Variants in SHISA8 observed in about 807,000 individuals in gnomAD.
The protein encoded by SHISA8 is protein shisa-8.
Under a neutral mutation model 21.1 loss-of-function variants are expected in SHISA8, and 21 were observed. That is an observed-to-expected ratio of 0.99 (90% CI 0.71 to 1.43). SHISA8 has a LOEUF of 1.43. Among genes scored for constraint, SHISA8 ranks in the 40% most tolerant of loss-of-function variants. The pLI, the probability that SHISA8 is intolerant of heterozygous loss-of-function variation, is 0.00. For synonymous variants in SHISA8, 300 were observed against 291.4 expected (o/e 1.03, Z -0.30); for missense variants, 535 against 599.1 (o/e 0.89, Z 1.12).
Position 41,910,045 on chromosome 22 carries a change from G to A in SHISA8, c.914C>T (p.Pro305Leu). ...CGGGGCCCAGGGGCAGGCGTCCAGC[G>A]GCGCAGGCAAGTCCGGGGATGGTCG... ...APRPSPDLPA[P>L]LDACPWAPPV... The change falls in exon 4 of 4, where the codon CCG becomes CTG. Residue 305 changes from proline to leucine, a missense_variant. Pro to Leu is a moderately conservative substitution (Grantham distance 98). Coordinates refer to ENST00000621082, the MANE Select transcript of SHISA8 (RefSeq NM_001207020.3). The surrounding 1 kb of genome is among the most constrained non-coding windows in gnomAD (Gnocchi z 6.8). 2.4e-6 allele frequency: 3 copies of A among 1,255,348 alleles called. No homozygotes were observed. Among genetic ancestry groups the A allele is most frequent in the Non-Finnish European group, 3.0e-6 (3 of 1,005,278 alleles). 77.8% of individuals were successfully genotyped at this position (1,255,348 alleles called of 1,614,324 possible).
chr22:41,914,318 G>C lies in SHISA8; in HGVS notation c.350C>G (p.Thr117Arg). 8.0e-7 allele frequency: 1 copy of C among 1,252,672 alleles called. No individual in the cohort carries two copies. Among genetic ancestry groups the C allele is most frequent in the Non-Finnish European group, 1.0e-6 (1 of 1,001,234 alleles). The allele number at this position is 1,252,672 out of a possible 1,614,324, so 77.6% of individuals were successfully genotyped here. The change falls in exon 1 of 4, where the codon ACA becomes AGA. Residue 117 changes from threonine (T) to arginine (R), a missense_variant. Physicochemically the swap from Thr to Arg is moderately conservative, Grantham distance 71. Coordinates refer to ENST00000621082, the MANE Select transcript of SHISA8 (RefSeq NM_001207020.3). The surrounding 1 kb of genome is among the most constrained non-coding windows in gnomAD (Gnocchi z 6.8). ...SNYDTPAWVQ[T>R]GRPPARARDT... ...GCGGGCGCGGGCGGGCGGCCGGCCT[G>C]TCTGGACCCAGGCCGGCGTGTCGTA... is the stretch of plus-strand genomic sequence containing the variant.
Position 41,910,125 on chromosome 22 carries a change from A to T in SHISA8, c.834T>A (p.Cys278Ter). 8.1e-7 allele frequency: 1 copy of T among 1,237,888 alleles called. No homozygotes were observed. Among genetic ancestry groups the T allele is most frequent in the Non-Finnish European group, 1.0e-6 (1 of 993,950 alleles). 76.7% of individuals were successfully genotyped at this position (1,237,888 alleles called of 1,614,324 possible). ...ACGGCTCGAGGGCGGGGAAACGCTGACAGAAGTCCCGCGGGGCGGCCTCTG... is the reference window on the plus strand; with the variant it reads ...ACGGCTCGAGGGCGGGGAAACGCTGTCAGAAGTCCCGCGGGGCGGCCTCTG... ...KAAEAAPRDF[C>*]QRFPALEPSP... Residue 278 changes from cysteine (C) to a stop codon, truncating the protein, a stop_gained, in exon 4 of 4, where the codon TGT becomes TGA. Transcript: ENST00000621082. LOFTEE classifies it low-confidence loss of function (END_TRUNC). This position sits in a 1 kb window ranked among gnomAD's most constrained non-coding sequence, Gnocchi z 6.8.
At position 41,914,017 on chromosome 22, in the gene SHISA8, A is replaced by G; in HGVS notation, c.530+121T>C. The G allele has an allele frequency of 1.8e-6, 2 of 1,113,256 alleles. No homozygotes were observed. Among genetic ancestry groups the G allele is most frequent in the Non-Finnish European group, 2.3e-6 (2 of 860,816 alleles). The allele number at this position is 1,113,256 out of a possible 1,614,324, so 69.0% of individuals were successfully genotyped here. ...GGGGGCGGCGGGGGGAGAAGGAGAC[A>G]GGAAAACCCAGAGAAGGGGCCTGCT... On this transcript the variant is annotated intron_variant, in intron 1 of 3. Transcript: ENST00000621082. The surrounding 1 kb of genome is among the most constrained non-coding windows in gnomAD (Gnocchi z 6.8).
chr22:41,910,286 G>A lies in SHISA8; in HGVS notation c.811+122C>T, dbSNP rs2077540253. 4 of 1,230,466 alleles carry A rather than the reference G, an allele frequency of 3.3e-6. No homozygotes were observed. Among genetic ancestry groups the A allele is most frequent in the Admixed American group, 8.6e-5 (2 of 23,264 alleles). The allele number at this position is 1,230,466 out of a possible 1,614,324, so 76.2% of individuals were successfully genotyped here. The stretch of plus-strand genomic sequence containing the variant: ...CGGGGCCCGCTGGGGCGAGGGAGCC[G>A]ATTGGCCGAGCGGCGGGCGCGCGGA... On this transcript the variant is annotated intron_variant, in intron 3 of 3. Coordinates refer to ENST00000621082, the MANE Select transcript of SHISA8 (RefSeq NM_001207020.3). The surrounding 1 kb of genome is among the most constrained non-coding windows in gnomAD (Gnocchi z 6.8).
At chr22:41,913,280 C>G (rs192908052) in intron 1 of SHISA8, among the ~76,000 whole-genome samples, 3 of 152,378 alleles carry the variant, frequency 2.0e-5, no homozygotes, top group Non-Finnish European at 2.9e-5. Context: ...TTTTAAATAC[C>G]AGCCTGTCAC....
chr22:41,909,913 A>T lies in SHISA8; in HGVS notation c.1046T>A (p.Val349Glu). Residue 349 changes from valine to glutamate, a missense_variant, in exon 4 of 4, where the codon GTA becomes GAA. Physicochemically the swap from Val to Glu is moderately radical, Grantham distance 121. Coordinates refer to ENST00000621082, the MANE Select transcript of SHISA8 (RefSeq NM_001207020.3). ...GGCCGCGTGCCCGGGTCGCCGGGGT[A>T]CCTGGAAGGCCCGAGCCGTCGGGTG... Reference protein sequence around the residue: ...LSHPTARAFQVPRRPGHAARR... With the variant: ...LSHPTARAFQEPRRPGHAARR... 1.3e-6 allele frequency: 2 copies of T among 1,526,588 alleles called. No homozygotes were observed. The highest frequency in any genetic ancestry group is 4.0e-5 in the Admixed American group (2 of 50,092). 94.6% of individuals were successfully genotyped at this position (1,526,588 alleles called of 1,614,324 possible).
chr22:41,909,834 G>C lies in SHISA8; in HGVS notation c.1125C>G (p.Gly375=). ...MPETFNPQLP[G]LYGSAGRGSR... is the part of the protein sequence containing the mutation. ...ACCCGCGGCCCGCGCTGCCGTAAAG[G>C]CCGGGGAGCTGCGGGTTGAAGGTCT... Residue 375 remains glycine (G), a synonymous_variant, in exon 4 of 4, where the codon GGC becomes GGG. Transcript: ENST00000621082. 6.5e-7 allele frequency: 1 copy of C among 1,527,402 alleles called. No individual in the cohort carries two copies. Among genetic ancestry groups the C allele is most frequent in the Non-Finnish European group, 8.7e-7 (1 of 1,143,170 alleles). 94.6% of individuals were successfully genotyped at this position (1,527,402 alleles called of 1,614,324 possible).
chr22:41,911,183 G>A (rs1385623111), intron 2 of SHISA8, 33 bp downstream of exon 2: 3 of 1,257,878 alleles, frequency 2.4e-6, no homozygotes, highest in Non-Finnish European at 3.0e-6. Context: ...CGCGTGCTCC[G>A]CCGCCGCTCA....
At position 41,914,094 on chromosome 22, in the gene SHISA8, C is replaced by T. The variant is rs1361897330; in HGVS notation, c.530+44G>A. On this transcript the variant is annotated intron_variant, in intron 1 of 3. Transcript: ENST00000621082. This position sits in a 1 kb window ranked among gnomAD's most constrained non-coding sequence, Gnocchi z 6.8. Reference sequence around the variant, plus strand: ...GGGAAGGATCAGCGGGCAGGGAGAGCAGTCCGAGGAGCAGGCGGGGGTCCC... The same window carrying T: ...GGGAAGGATCAGCGGGCAGGGAGAGTAGTCCGAGGAGCAGGCGGGGGTCCC... 2.2e-6 allele frequency: 3 copies of T among 1,344,846 alleles called. No individual in the cohort carries two copies. Among genetic ancestry groups the T allele is most frequent in the Non-Finnish European group, 2.9e-6 (3 of 1,052,036 alleles). 83.3% of individuals were successfully genotyped at this position (1,344,846 alleles called of 1,614,324 possible).
In SHISA8 at chr22:41,914,060, G is replaced by C; in HGVS notation, c.530+78C>G. ...GGCCTGCTGGGAGAACCAGCGCTTC[G>C]AGAGCGGCGGGAAGGATCAGCGGGC... is the stretch of plus-strand genomic sequence containing the variant. On this transcript the variant is annotated intron_variant, in intron 1 of 3. Coordinates refer to ENST00000621082, the MANE Select transcript of SHISA8 (RefSeq NM_001207020.3). The surrounding 1 kb of genome is among the most constrained non-coding windows in gnomAD (Gnocchi z 6.8). 12 of 1,283,062 alleles carry C rather than the reference G, an allele frequency of 9.4e-6. No individual in the cohort carries two copies. The highest frequency in any genetic ancestry group is 1.1e-5 in the Non-Finnish European group (11 of 1,012,104). The allele number at this position is 1,283,062 out of a possible 1,614,324, so 79.5% of individuals were successfully genotyped here.
At chr22:41,912,563 G>C (rs2077559490) in intron 1 of SHISA8, among the ~76,000 whole-genome samples, 1 of 152,128 alleles carries the variant, frequency 6.6e-6, no homozygotes, top group South Asian at 2.1e-4. Flanking sequence ...CTGGGCCTTT[G>C]CACAAACTCT....
rs2077570244 is a variant in SHISA8 at position 41,914,238 on chromosome 22, CG to C, written c.429del (p.Tyr143Ter). ...AGCAGCGCTGCGACGCCGCACACAG[CG>C]TAGACGGCCGTATGGCTGCGCTCGC... ...PGRERSHTAVYAVCGVAALLV... is the reference protein window; with the variant it reads ...PGRERSHTAVXAVCGVAALLV... On this transcript the variant is annotated frameshift_variant, in exon 1 of 4. Coordinates refer to ENST00000621082, the MANE Select transcript of SHISA8 (RefSeq NM_001207020.3). LOFTEE classifies it high-confidence loss of function. The surrounding 1 kb of genome is among the most constrained non-coding windows in gnomAD (Gnocchi z 6.8). 3 of 1,392,394 alleles carry C rather than the reference CG, an allele frequency of 2.2e-6. No individual in the cohort carries two copies. Among genetic ancestry groups the C allele is most frequent in the Non-Finnish European group, 2.8e-6 (3 of 1,081,234 alleles). 86.3% of individuals were successfully genotyped at this position (1,392,394 alleles called of 1,614,324 possible).
rs151323149 is a variant in SHISA8, at chr22:41,913,572, G to T, written c.530+566C>A. Among the ~76,000 whole-genome samples the T allele has an allele frequency of 4.4e-3, 666 of 152,320 alleles. 3 individuals are homozygous for T. Among genetic ancestry groups the T allele is most frequent in the African/African-American group, 0.015 (634 of 41,566 alleles). On this transcript the variant is annotated intron_variant, in intron 1 of 3. Coordinates refer to ENST00000621082, the MANE Select transcript of SHISA8 (RefSeq NM_001207020.3). ...CTGTGTTCCAGAGTCCCCTTTCTAC[G>T]CAGAGGGAGCCCTGACCTTCACCTG...
intron 1 of SHISA8, among the ~76,000 whole-genome samples, chr22:41,912,644 G>A (rs1451174989): frequency 6.6e-6 from 1 of 152,122 alleles, no homozygotes; most frequent in East Asian, 1.9e-4. Context: ...CAGAATGAAG[G>A]GTGAGACTCG....
At chr22:41,913,999 G>T in intron 1 of SHISA8, 139 bp downstream of exon 1, 2 of 907,192 alleles carry the variant, frequency 2.2e-6, no homozygotes, top group Non-Finnish European at 3.0e-6. Context: ...TGGGGGGGCG[G>T]CGGGGGGAGA....
chr22:41,914,105 GC>G lies in SHISA8; in HGVS notation c.530+32del. 1 of 1,377,592 alleles carries G rather than the reference GC, an allele frequency of 7.3e-7. No individual in the cohort carries two copies. Among genetic ancestry groups the G allele is most frequent in the Non-Finnish European group, 9.3e-7 (1 of 1,073,390 alleles). The allele number at this position is 1,377,592 out of a possible 1,614,324, so 85.3% of individuals were successfully genotyped here. A position where few individuals can be genotyped will look rare whatever the true frequency, so the allele number is the denominator to read the frequency against. ...GCGGGCAGGGAGAGCAGTCCGAGGA[GC>G]AGGCGGGGGTCCCTGGGCGGCGCGT... On this transcript the variant is annotated intron_variant, in intron 1 of 3. Coordinates refer to ENST00000621082, the MANE Select transcript of SHISA8 (RefSeq NM_001207020.3). This position sits in a 1 kb window ranked among gnomAD's most constrained non-coding sequence, Gnocchi z 6.8.
Position 41,914,045 on chromosome 22 carries a change from G to A in SHISA8, c.530+93C>T. On this transcript the variant is annotated intron_variant, in intron 1 of 3. Transcript: ENST00000621082. The surrounding 1 kb of genome is among the most constrained non-coding windows in gnomAD (Gnocchi z 6.8). ...AAAACCCAGAGAAGGGGCCTGCTGG[G>A]AGAACCAGCGCTTCGAGAGCGGCGG... 4 of 1,262,930 alleles carry A rather than the reference G, an allele frequency of 3.2e-6. No individual in the cohort carries two copies. The highest frequency in any genetic ancestry group is 4.4e-5 in the South Asian group (2 of 45,698). 78.2% of individuals were successfully genotyped at this position (1,262,930 alleles called of 1,614,324 possible).
At position 41,911,228 on chromosome 22, in the gene SHISA8, GGGGGGAGCCCC is replaced by G. The variant is rs2077551254; in HGVS notation, c.641_651del (p.Arg214ProfsTer150). On this transcript the variant is annotated frameshift_variant, in exon 2 of 4. Coordinates refer to ENST00000621082, the MANE Select transcript of SHISA8 (RefSeq NM_001207020.3). LOFTEE classifies it high-confidence loss of function. ...GCCACCGACTCACCTGCGCTGTTGT[GGGGGGAGCCCC>G]GGGGGAGGCCGTCCCCCATCTGCAC... The G allele has an allele frequency of 2.3e-6, 3 of 1,283,028 alleles. No homozygotes were observed. Among genetic ancestry groups the G allele is most frequent in the Non-Finnish European group, 3.0e-6 (3 of 1,015,856 alleles). 79.5% of individuals were successfully genotyped at this position (1,283,028 alleles called of 1,614,324 possible).
Position 41,914,428 on chromosome 22 carries a change from G to A in SHISA8, c.240C>T (p.Ala80=). ...WDPPFNCSSG[A]YSFCCGTCGY... ...CGCACGTGCCGCAGCAGAAGCTGTA[G>A]GCTCCGGAGCTGCAGTTGAAGGGCG... Residue 80 remains alanine, a synonymous_variant, in exon 1 of 4, where the codon GCC becomes GCT. Transcript: ENST00000621082. The surrounding 1 kb of genome is among the most constrained non-coding windows in gnomAD (Gnocchi z 6.8). The A allele has an allele frequency of 7.4e-7, 1 of 1,355,144 alleles. No individual in the cohort carries two copies. The highest frequency in any genetic ancestry group is 9.5e-7 in the Non-Finnish European group (1 of 1,051,100). The allele number at this position is 1,355,144 out of a possible 1,614,324, so 83.9% of individuals were successfully genotyped here. A position where few individuals can be genotyped will look rare whatever the true frequency, so the allele number is the denominator to read the frequency against.
Sources: allele counts gnomAD v4.1 joint callset (sites outside exome capture counted in the v4.1 genomes callset), GRCh38; gene constraint gnomAD v4.1.1; non-coding constraint Gnocchi (gnomAD v3.1); transcripts MANE v1.5; gene names NCBI Gene and HGNC (gene_info 2026-07-23, HGNC 2026-07-21).